Variants in CCDC28A observed in about 807,000 individuals in gnomAD.
CCDC28A encodes the protein coiled-coil domain containing 28A, also known as coiled-coil domain-containing protein 28A.
A neutral mutation model predicts 22.1 loss-of-function variants in CCDC28A; 24 were observed. The ratio of observed to expected loss-of-function variants is 1.09; its 90% CI spans 0.79 to 1.53. CCDC28A has a LOEUF of 1.53. Ranked by LOEUF, CCDC28A falls within the 40% of genes most tolerant of loss-of-function variation. The pLI is 0.00. For synonymous variants in CCDC28A, 83 were observed against 74.7 expected (o/e 1.11, Z -0.57); for missense variants, 170 against 210.7 (o/e 0.81, Z 1.20).
chr6:138,783,469 G>A (rs868195975), intron 3 of CCDC28A, among the ~76,000 whole-genome samples: 28 of 133,306 alleles, frequency 2.1e-4, no homozygotes, highest in Middle Eastern at 4.6e-3. Context: ...ATGGAGTCTC[G>A]CTCTTTCGCC....
Position 138,780,705 on chromosome 6 carries a change from G to A in CCDC28A, c.322+720G>A, listed in dbSNP as rs542108649. ...TTCTCCTGCCTCAACCTCCCCAGTA[G>A]CTGAGACTACAGCCATGTGCCACGG... On this transcript the variant is annotated intron_variant, in intron 3 of 5. Coordinates refer to ENST00000617445, the MANE Select transcript of CCDC28A (RefSeq NM_015439.3). Among the ~76,000 whole-genome samples, 8 of 151,392 alleles carry A rather than the reference G, an allele frequency of 5.3e-5. No homozygotes were observed. In the East Asian group the frequency reaches 1.4e-3, roughly 26 times the overall value.
intron 5 of CCDC28A, among the ~76,000 whole-genome samples, 186 bp downstream of exon 5, chr6:138,788,574 T>C (rs1387278584): frequency 2.6e-5 from 2 of 77,692 alleles, no homozygotes; most frequent in Admixed American, 1.9e-4. Context: ...TTTTCTTTTT[T>C]TTTTTTTTTT....
At chr6:138,784,406 A>G (rs1361322109) in intron 3 of CCDC28A, among the ~76,000 whole-genome samples, 1 of 147,326 alleles carries the variant, frequency 6.8e-6, no homozygotes, top group Non-Finnish European at 1.5e-5. Context: ...TCTTGAGTAC[A>G]GTGGCTTGAA....
intron 2 of CCDC28A, among the ~76,000 whole-genome samples, chr6:138,777,909 A>G (rs1459302364): frequency 6.6e-6 from 1 of 152,152 alleles, no homozygotes; most frequent in African/African-American, 2.4e-5. Flanking sequence ...TCTCTCGGGG[A>G]TTTTTTTAGA....
chr6:138,782,546 T>G (rs1775035998), intron 3 of CCDC28A, among the ~76,000 whole-genome samples: 1 of 152,226 alleles, frequency 6.6e-6, no homozygotes, highest in Non-Finnish European at 1.5e-5. Flanking sequence ...GTCCTCTGAC[T>G]CTCATCTTTT....
At chr6:138,780,840 G>A (rs1775008348) in intron 3 of CCDC28A, among the ~76,000 whole-genome samples, 2 of 152,110 alleles carry the variant, frequency 1.3e-5, no homozygotes, top group African/African-American at 4.8e-5. Context: ...CCAAGGTGCT[G>A]GGATCGCAGG....
chr6:138,787,622 T>A (rs947813358), intron 4 of CCDC28A, among the ~76,000 whole-genome samples: 1 of 152,164 alleles, frequency 6.6e-6, no homozygotes, highest in African/African-American at 2.4e-5. Flanking sequence ...TAGAGATGAT[T>A]GTTATTATGC....
intron 4 of CCDC28A, among the ~76,000 whole-genome samples, chr6:138,786,531 T>C (rs1296779040): frequency 6.6e-6 from 1 of 152,268 alleles, no homozygotes; most frequent in Non-Finnish European, 1.5e-5. Flanking sequence ...GGAACTTGTA[T>C]GCCAATACTT....
chr6:138,790,225 A>G (rs1775152246), intron 5 of CCDC28A, among the ~76,000 whole-genome samples: 1 of 151,962 alleles, frequency 6.6e-6, no homozygotes, highest in Non-Finnish European at 1.5e-5. Flanking sequence ...ATCTCCACTC[A>G]CTGCAACCTG....
intron 3 of CCDC28A, 123 bp from the exon 4 acceptor site, chr6:138,785,104 T>C: frequency 1.8e-6 from 1 of 552,858 alleles, no homozygotes. Context: ...TATTAATGAT[T>C]ATCTAATTTA....
chr6:138,792,865 C>A lies in CCDC28A; in HGVS notation c.*62C>A. The stretch of plus-strand genomic sequence containing the variant: ...AAGCAGCAGTCTTTACTTTTCCAGC[C>A]AAATCCAGTAGCAGAATCATCTTCC... On this transcript the variant is annotated 3_prime_UTR_variant, in exon 6 of 6. Transcript: ENST00000617445. The A allele has an allele frequency of 9.4e-7, 1 of 1,062,744 alleles. No homozygotes were observed. Among genetic ancestry groups the A allele is most frequent in the Non-Finnish European group, 1.4e-6 (1 of 699,042 alleles). The allele number at this position is 1,062,744 out of a possible 1,614,324, so 65.8% of individuals were successfully genotyped here. A position where few individuals can be genotyped will look rare whatever the true frequency, so the allele number is the denominator to read the frequency against.
chr6:138,781,511 C>T (rs1376426896), intron 3 of CCDC28A, among the ~76,000 whole-genome samples: 1 of 152,190 alleles, frequency 6.6e-6, no homozygotes, highest in Admixed American at 6.5e-5. Flanking sequence ...AAGAACAATA[C>T]CGCACTTCTA....
intron 3 of CCDC28A, among the ~76,000 whole-genome samples, chr6:138,781,315 T>C (rs1258126216): frequency 6.6e-6 from 1 of 152,232 alleles, no homozygotes; most frequent in Non-Finnish European, 1.5e-5. Context: ...TATGTCCCTA[T>C]TGAGAGGCAT....
chr6:138,782,167 C>A (rs1300119270), intron 3 of CCDC28A, among the ~76,000 whole-genome samples: 1 of 151,932 alleles, frequency 6.6e-6, no homozygotes. Context: ...TCTATGTTGC[C>A]TTTGTGTTTT....
At position 138,785,398 on chromosome 6, in the gene CCDC28A, T is replaced by C. The variant is rs1487749114; in HGVS notation, c.477+17T>C. ...CTGTCAGATGTAAGTGTAATTCTTT[T>C]TCTTTGTTCTTTAAAAAAAAATTTT... On this transcript the variant is annotated intron_variant, in intron 4 of 5. Transcript: ENST00000617445. 6.3e-7 allele frequency: 1 copy of C among 1,576,772 alleles called. No individual in the cohort carries two copies. Among genetic ancestry groups the C allele is most frequent in the East Asian group, 2.2e-5 (1 of 44,578 alleles).
intron 3 of CCDC28A, among the ~76,000 whole-genome samples, chr6:138,781,314 A>T (rs187571182): frequency 1.3e-5 from 2 of 152,218 alleles, no homozygotes; most frequent in Admixed American, 6.5e-5. Context: ...CTATGTCCCT[A>T]TTGAGAGGCA....
rs1774991284 is a variant in CCDC28A at position 138,779,905 on chromosome 6, AT to A, written c.243del (p.Asp81GlufsTer16). 3 of 1,613,646 alleles carry A rather than the reference AT, an allele frequency of 1.9e-6. No individual in the cohort carries two copies. Among genetic ancestry groups the A allele is most frequent in the Non-Finnish European group, 2.5e-6 (3 of 1,179,658 alleles). On this transcript the variant is annotated frameshift_variant, in exon 3 of 6. Coordinates refer to ENST00000617445, the MANE Select transcript of CCDC28A (RefSeq NM_015439.3). LOFTEE classifies it high-confidence loss of function. ...STPIQHSFLT[D>X]VSDVQEMERG... ...CCGATCCAGCACTCCTTCCTCACTG[AT>A]GTCTCAGATGTTCAGGAGATGGAGA... is the stretch of plus-strand genomic sequence containing the variant.
intron 3 of CCDC28A, among the ~76,000 whole-genome samples, chr6:138,780,757 G>A (rs1015989237): frequency 1.3e-5 from 2 of 151,964 alleles, no homozygotes; most frequent in Non-Finnish European, 2.9e-5. Flanking sequence ...ATTTTTACTA[G>A]AGACGGAGTT....
intron 1 of CCDC28A, among the ~76,000 whole-genome samples, chr6:138,775,540 A>G (rs1441569829): frequency 6.6e-6 from 1 of 152,234 alleles, no homozygotes; most frequent in Non-Finnish European, 1.5e-5. Context: ...GTTTCTGTTT[A>G]GTAGTTGAAG....
Sources: allele counts gnomAD v4.1 joint callset (sites outside exome capture counted in the v4.1 genomes callset), GRCh38; gene constraint gnomAD v4.1.1; transcripts MANE v1.5; gene names NCBI Gene and HGNC (gene_info 2026-07-23, HGNC 2026-07-21).